FOXL1: variants seen among roughly 807,000 people sequenced by gnomAD.
FOXL1 encodes forkhead box protein L1.
Under a neutral mutation model 1.7 loss-of-function variants are expected in FOXL1, and 2 were observed. The observed-to-expected ratio is 1.21, with a 90% confidence interval of 0.49 to 3.80. The LOEUF (loss-of-function observed/expected upper bound fraction) is 3.80. Ranked by LOEUF, FOXL1 falls within the 30% of genes most tolerant of loss-of-function variation. FOXL1 has a pLI of 0.07. For synonymous variants in FOXL1, 280 were observed against 229.3 expected (o/e 1.22, Z -2.00); for missense variants, 565 against 495.8 (o/e 1.14, Z -1.32).
In FOXL1 at chr16:86,579,235, A is replaced by C; in HGVS notation, c.512A>C (p.Glu171Ala). Residue 171 changes from glutamate to alanine, a missense_variant, in exon 1 of 1, where the codon GAG becomes GCG. By Grantham distance (107) the Glu-to-Ala change is moderately radical (BLOSUM62 -1). Coordinates refer to ENST00000320241, the MANE Select transcript of FOXL1 (RefSeq NM_005250.3). ...THQRSAEAQP[E>A]AGSGAGGSGP... ...CAGCGCAGCGCGGAGGCGCAGCCGG[A>C]GGCGGGGAGCGGGGCAGGGGGCTCG... is the stretch of plus-strand genomic sequence containing the variant. 2 of 1,523,758 alleles carry C rather than the reference A, an allele frequency of 1.3e-6. No homozygotes were observed. Among genetic ancestry groups the C allele is most frequent in the Non-Finnish European group, 1.8e-6 (2 of 1,139,062 alleles). The allele number at this position is 1,523,758 out of a possible 1,614,324, so 94.4% of individuals were successfully genotyped here. A position where few individuals can be genotyped will look rare whatever the true frequency, so the allele number is the denominator to read the frequency against.
Position 86,579,167 on chromosome 16 carries a change from C to A in FOXL1, c.444C>A (p.Gly148=), listed in dbSNP as rs1179283178. The change falls in exon 1 of 1, where the codon GGC becomes GGA. Residue 148 remains glycine, a synonymous_variant. Transcript: ENST00000320241. ...YRRRKRKPKP[G]PGAPEAKRPR... ...GCCGGAAGAGGAAGCCCAAGCCGGG[C>A]CCCGGGGCCCCGGAGGCCAAGAGGC... 1 of 1,607,852 alleles carries A rather than the reference C, an allele frequency of 6.2e-7. No individual in the cohort carries two copies. The highest frequency in any genetic ancestry group is 1.7e-5 in the Admixed American group (1 of 59,120).
Position 86,579,260 on chromosome 16 carries a change from G to A in FOXL1, c.537G>A (p.Ser179=), listed in dbSNP as rs1974380499. The change falls in exon 1 of 1, where the codon TCG becomes TCA. Residue 179 remains serine (S), a synonymous_variant. Transcript: ENST00000320241. The part of the protein sequence containing the change: ...QPEAGSGAGG[S]GPAISRLQAA... ...AGGCGGGGAGCGGGGCAGGGGGCTCGGGCCCCGCAATCTCCCGCCTGCAGG... is the reference window on the plus strand; with the variant it reads ...AGGCGGGGAGCGGGGCAGGGGGCTCAGGCCCCGCAATCTCCCGCCTGCAGG... The A allele has an allele frequency of 2.8e-6, 4 of 1,431,230 alleles. No homozygotes were observed. Among genetic ancestry groups the A allele is most frequent in the Non-Finnish European group, 3.6e-6 (4 of 1,101,946 alleles). The allele number at this position is 1,431,230 out of a possible 1,614,324, so 88.7% of individuals were successfully genotyped here. A position where few individuals can be genotyped will look rare whatever the true frequency, so the allele number is the denominator to read the frequency against.
chr16:86,579,563 A>C lies in FOXL1; in HGVS notation c.840A>C (p.Glu280Asp), dbSNP rs775985911. ...GCCAGAAGCCGCCTTCAGGGGACGAACTCCTAGGGGGTGCCAAGCCTGGGC... is the reference window on the plus strand; with the variant it reads ...GCCAGAAGCCGCCTTCAGGGGACGACCTCCTAGGGGGTGCCAAGCCTGGGC... Reference protein sequence around the residue: ...KQGQKPPSGDELLGGAKPGPG... With the variant: ...KQGQKPPSGDDLLGGAKPGPG... The change falls in exon 1 of 1, where the codon GAA becomes GAC. Residue 280 changes from glutamate (E) to aspartate (D), a missense_variant. Physicochemically the swap from Glu to Asp is conservative, Grantham distance 45 (BLOSUM62 2). Coordinates refer to ENST00000320241, the MANE Select transcript of FOXL1 (RefSeq NM_005250.3). The C allele has an allele frequency of 8.1e-6, 13 of 1,612,490 alleles. No homozygotes were observed. The highest frequency in any genetic ancestry group is 1.1e-5 in the Non-Finnish European group (13 of 1,179,618).
chr16:86,579,350 G>A lies in FOXL1; in HGVS notation c.627G>A (p.Pro209=), dbSNP rs1262819918. ...GPSPPAPLHW[P]GTASPNEDAG... is the part of the protein sequence containing the mutation. Reference sequence around the variant, plus strand: ...CTCCGCCGGCGCCCCTCCACTGGCCGGGGACCGCGTCCCCGAACGAGGACG... The same window carrying A: ...CTCCGCCGGCGCCCCTCCACTGGCCAGGGACCGCGTCCCCGAACGAGGACG... The change falls in exon 1 of 1, where the codon CCG becomes CCA. Residue 209 remains proline, a synonymous_variant. Coordinates refer to ENST00000320241, the MANE Select transcript of FOXL1 (RefSeq NM_005250.3). The A allele has an allele frequency of 6.7e-7, 1 of 1,489,816 alleles. No individual in the cohort carries two copies. Among genetic ancestry groups the A allele is most frequent in the Admixed American group, 2.3e-5 (1 of 43,394 alleles). 92.3% of individuals were successfully genotyped at this position (1,489,816 alleles called of 1,614,324 possible).
Position 86,579,972 on chromosome 16 carries a change from A to G in FOXL1, c.*211A>G. The G allele has an allele frequency of 1.6e-6, 1 of 609,652 alleles. No individual in the cohort carries two copies. Among genetic ancestry groups the G allele is most frequent in the Non-Finnish European group, 3.0e-6 (1 of 336,000 alleles). 37.8% of individuals were successfully genotyped at this position (609,652 alleles called of 1,614,324 possible). The stretch of plus-strand genomic sequence containing the variant: ...TCCCAGCAACTGGGAGCAGCTACGG[A>G]GACTTAAAAGATCCCCGCGGGGTCG... On this transcript the variant is annotated 3_prime_UTR_variant, in exon 1 of 1. Coordinates refer to ENST00000320241, the MANE Select transcript of FOXL1 (RefSeq NM_005250.3).
rs558085983 is a variant in FOXL1, at chr16:86,583,138, T to TG, written c.*3379dup. Among the ~76,000 whole-genome samples the TG allele has an allele frequency of 3.2e-3, 480 of 151,910 alleles. 5 individuals carry two copies. The highest frequency in any genetic ancestry group is 0.011 in the African/African-American group (450 of 41,364). Reference sequence around the variant, plus strand: ...TCAGATTTAATTGTGCCCGTTTGAATGGTGGTCTTCACCATTTCACTCAAA... The same window carrying TG: ...TCAGATTTAATTGTGCCCGTTTGAATGGGTGGTCTTCACCATTTCACTCAAA... On this transcript the variant is annotated 3_prime_UTR_variant, in exon 1 of 1. Transcript: ENST00000320241.
Position 86,581,178 on chromosome 16 carries a change from A to G in FOXL1, c.*1417A>G, listed in dbSNP as rs1183492773. The G allele has an allele frequency of 6.0e-6, 1 of 167,092 alleles. No individual in the cohort carries two copies. The allele number at this position is 167,092 out of a possible 1,614,324, so 10.4% of individuals were successfully genotyped here. On this transcript the variant is annotated 3_prime_UTR_variant, in exon 1 of 1. Coordinates refer to ENST00000320241, the MANE Select transcript of FOXL1 (RefSeq NM_005250.3). Reference sequence around the variant, plus strand: ...GGGAAATGCAACCGACCTCTATGCCATCTCTAGCTGGGTAATCTTCGAGGC... The same window carrying G: ...GGGAAATGCAACCGACCTCTATGCCGTCTCTAGCTGGGTAATCTTCGAGGC...
Position 86,579,182 on chromosome 16 carries a change from G to C in FOXL1, c.459G>C (p.Glu153Asp). 1 of 1,602,630 alleles carries C rather than the reference G, an allele frequency of 6.2e-7. No homozygotes were observed. The highest frequency in any genetic ancestry group is 2.2e-5 in the East Asian group (1 of 44,578). ...RKPKPGPGAPEAKRPRAETHQ... is the reference protein window; with the variant it reads ...RKPKPGPGAPDAKRPRAETHQ... ...CCAAGCCGGGCCCCGGGGCCCCGGA[G>C]GCCAAGAGGCCCCGCGCCGAGACGC... is the stretch of plus-strand genomic sequence containing the variant. The change falls in exon 1 of 1, where the codon GAG becomes GAC. Residue 153 changes from glutamate (E) to aspartate (D), a missense_variant. By Grantham distance (45) the Glu-to-Asp change is conservative (BLOSUM62 2). Transcript: ENST00000320241.
Position 86,579,399 on chromosome 16 carries a change from G to C in FOXL1, c.676G>C (p.Ala226Pro). Residue 226 changes from alanine to proline, a missense_variant, in exon 1 of 1, where the codon GCG (alanine) becomes CCG (proline). Transcript: ENST00000320241. ...CGCTGGTGACGCTGCCCAGGGCGCA[G>C]CGGCCGTGGCGGTCGGCCAGGCAGC... Reference protein sequence around the residue: ...EDAGDAAQGAAAVAVGQAART... With the variant: ...EDAGDAAQGAPAVAVGQAART... The C allele has an allele frequency of 6.6e-7, 1 of 1,524,410 alleles. No homozygotes were observed. The highest frequency in any genetic ancestry group is 8.8e-7 in the Non-Finnish European group (1 of 1,139,426). The allele number at this position is 1,524,410 out of a possible 1,614,324, so 94.4% of individuals were successfully genotyped here.
Position 86,582,444 on chromosome 16 carries a change from C to T in FOXL1, c.*2683C>T, listed in dbSNP as rs1038010845. Among the ~76,000 whole-genome samples, 4 of 152,104 alleles carry T rather than the reference C, an allele frequency of 2.6e-5. No homozygotes were observed. The highest frequency in any genetic ancestry group is 4.1e-4 in the South Asian group (2 of 4,824). On this transcript the variant is annotated 3_prime_UTR_variant, in exon 1 of 1. Coordinates refer to ENST00000320241, the MANE Select transcript of FOXL1 (RefSeq NM_005250.3). ...ACTCTTAGGCAATCTGAAGGAATACCTCTCTGCTCTCATCTAAACAAAGGG... is the reference window on the plus strand; with the variant it reads ...ACTCTTAGGCAATCTGAAGGAATACTTCTCTGCTCTCATCTAAACAAAGGG...
At position 86,579,667 on chromosome 16, in the gene FOXL1, A is replaced by G. The variant is rs371495333; in HGVS notation, c.944A>G (p.Asp315Gly). The G allele has an allele frequency of 2.5e-6, 4 of 1,613,580 alleles. No individual in the cohort carries two copies. The African/African-American group carries it at 5.3e-5, about 22-fold the overall frequency. ...CCTTTCAACGCTTCCCTGATGCTCG[A>G]CCCGCATGTCCAGGGCGGCTTTTAC... ...RPPFNASLML[D>G]PHVQGGFYQL... Residue 315 changes from aspartate to glycine, a missense_variant, in exon 1 of 1, where the codon GAC becomes GGC. Physicochemically the swap from Asp to Gly is moderately conservative, Grantham distance 94. Coordinates refer to ENST00000320241, the MANE Select transcript of FOXL1 (RefSeq NM_005250.3).
In FOXL1 at chr16:86,580,636, T is replaced by C. The variant is rs1043515367; in HGVS notation, c.*875T>C. On this transcript the variant is annotated 3_prime_UTR_variant, in exon 1 of 1. Coordinates refer to ENST00000320241, the MANE Select transcript of FOXL1 (RefSeq NM_005250.3). ...GCCACAACAGCAGACGTCCTATCCTTTTGCTTTTGTTTTTAAGGGATCAAA... is the reference window on the plus strand; with the variant it reads ...GCCACAACAGCAGACGTCCTATCCTCTTGCTTTTGTTTTTAAGGGATCAAA... The C allele has an allele frequency of 1.8e-5, 3 of 166,778 alleles. No homozygotes were observed. The highest frequency in any genetic ancestry group is 4.4e-5 in the Non-Finnish European group (3 of 68,130). 10.3% of individuals were successfully genotyped at this position (166,778 alleles called of 1,614,324 possible).
In FOXL1 at chr16:86,579,375, G is replaced by A; in HGVS notation, c.652G>A (p.Ala218Thr). 1 of 1,505,104 alleles carries A rather than the reference G, an allele frequency of 6.6e-7. No homozygotes were observed. Among genetic ancestry groups the A allele is most frequent in the East Asian group, 2.6e-5 (1 of 38,780 alleles). The allele number at this position is 1,505,104 out of a possible 1,614,324, so 93.2% of individuals were successfully genotyped here. The change falls in exon 1 of 1, where the codon GCT becomes ACT. Residue 218 changes from alanine to threonine, a missense_variant. By Grantham distance (58) the Ala-to-Thr change is moderately conservative (BLOSUM62 0). Coordinates refer to ENST00000320241, the MANE Select transcript of FOXL1 (RefSeq NM_005250.3). ...WPGTASPNED[A>T]GDAAQGAAAV... ...GGGGACCGCGTCCCCGAACGAGGACGCTGGTGACGCTGCCCAGGGCGCAGC... is the reference window on the plus strand; with the variant it reads ...GGGGACCGCGTCCCCGAACGAGGACACTGGTGACGCTGCCCAGGGCGCAGC...
Position 86,579,173 on chromosome 16 carries a change from G to T in FOXL1, c.450G>T (p.Gly150=). 6.2e-7 allele frequency: 1 copy of T among 1,606,410 alleles called. No homozygotes were observed. The change falls in exon 1 of 1, where the codon GGG becomes GGT. Residue 150 remains glycine (G), a synonymous_variant. Transcript: ENST00000320241. ...AGAGGAAGCCCAAGCCGGGCCCCGG[G>T]GCCCCGGAGGCCAAGAGGCCCCGCG... ...RRKRKPKPGP[G]APEAKRPRAE...
In FOXL1 at chr16:86,582,333, G is replaced by A. The variant is rs1322059600; in HGVS notation, c.*2572G>A. Among the ~76,000 whole-genome samples, 1 of 152,126 alleles carries A rather than the reference G, an allele frequency of 6.6e-6. No homozygotes were observed. Among genetic ancestry groups the A allele is most frequent in the Non-Finnish European group, 1.5e-5 (1 of 68,010 alleles). ...ATTTAATCGTTGGCTCAAAATTATG[G>A]CTCAATAAGGTCAATAGTTTCTGCT... is the stretch of plus-strand genomic sequence containing the variant. On this transcript the variant is annotated 3_prime_UTR_variant, in exon 1 of 1. Transcript: ENST00000320241.
Position 86,579,170 on chromosome 16 carries a change from C to T in FOXL1, c.447C>T (p.Pro149=). The T allele has an allele frequency of 6.2e-7, 1 of 1,607,794 alleles. No individual in the cohort carries two copies. ...RRRKRKPKPG[P]GAPEAKRPRA... is the part of the protein sequence containing the mutation. ...GGAAGAGGAAGCCCAAGCCGGGCCCCGGGGCCCCGGAGGCCAAGAGGCCCC... is the reference window on the plus strand; with the variant it reads ...GGAAGAGGAAGCCCAAGCCGGGCCCTGGGGCCCCGGAGGCCAAGAGGCCCC... Residue 149 remains proline (P), a synonymous_variant, in exon 1 of 1, where the codon CCC becomes CCT. Transcript: ENST00000320241.
In FOXL1 at chr16:86,581,460, A is replaced by G. The variant is rs1974413287; in HGVS notation, c.*1699A>G. ...CAGGCATAGAGGTGACTTTTGGAAA[A>G]TTCATTCTCCTATCCATGCTGAACC... On this transcript the variant is annotated 3_prime_UTR_variant, in exon 1 of 1. Coordinates refer to ENST00000320241, the MANE Select transcript of FOXL1 (RefSeq NM_005250.3). 6.0e-6 allele frequency: 1 copy of G among 167,090 alleles called. No homozygotes were observed. The highest frequency in any genetic ancestry group is 2.4e-5 in the African/African-American group (1 of 41,464). 10.4% of individuals were successfully genotyped at this position (167,090 alleles called of 1,614,324 possible). A position where few individuals can be genotyped will look rare whatever the true frequency, so the allele number is the denominator to read the frequency against.
rs564421915 is a variant in FOXL1 at position 86,579,814 on chromosome 16, G to A, written c.*53G>A. ...GGCCCAGCCTGAGCCTCCGCTGAGC[G>A]AAAGGCCACAGCTCCCACCGGCGGA... On this transcript the variant is annotated 3_prime_UTR_variant, in exon 1 of 1. Coordinates refer to ENST00000320241, the MANE Select transcript of FOXL1 (RefSeq NM_005250.3). The A allele has an allele frequency of 1.7e-5, 26 of 1,494,840 alleles. No homozygotes were observed. The African/African-American group carries it at 3.3e-4, about 19-fold the overall frequency. The allele number at this position is 1,494,840 out of a possible 1,614,324, so 92.6% of individuals were successfully genotyped here.
rs934851128 is a variant in FOXL1 at position 86,579,861 on chromosome 16, C to T, written c.*100C>T. 4.2e-6 allele frequency: 5 copies of T among 1,189,256 alleles called. No individual in the cohort carries two copies. The highest frequency in any genetic ancestry group is 2.2e-5 in the Admixed American group (1 of 45,588). The allele number at this position is 1,189,256 out of a possible 1,614,324, so 73.7% of individuals were successfully genotyped here. A position where few individuals can be genotyped will look rare whatever the true frequency, so the allele number is the denominator to read the frequency against. On this transcript the variant is annotated 3_prime_UTR_variant, in exon 1 of 1. Transcript: ENST00000320241. ...CGGAGGATTTTAAAATGATCTTTGC[C>T]TGGGTCGGCCTGTGGGTTCAGGGAA...
Sources: allele counts gnomAD v4.1 joint callset (sites outside exome capture counted in the v4.1 genomes callset), GRCh38; gene constraint gnomAD v4.1.1; transcripts MANE v1.5; gene names NCBI Gene and HGNC (gene_info 2026-07-23, HGNC 2026-07-21).